Variants in AGBL1 observed in about 807,000 individuals in gnomAD.
AGBL1 encodes cytosolic carboxypeptidase 4.
In AGBL1, 130 loss-of-function variants were observed where a neutral mutation model predicts 118.9. The ratio of observed to expected loss-of-function variants is 1.09; its 90% confidence interval spans 0.95 to 1.26. AGBL1 has a LOEUF of 1.26. Ranked by LOEUF, AGBL1 falls within the 50% of genes most tolerant of loss-of-function variation. The pLI is 0.00. For missense variants in AGBL1, 1,584 were observed against 1,298.1 expected (o/e 1.22, Z -3.38); for synonymous variants, 555 against 478.9 (o/e 1.16, Z -2.08).
intron 17 of AGBL1, among the ~76,000 whole-genome samples, chr15:86,298,021 C>A (rs771917528): frequency 6.6e-6 from 1 of 151,752 alleles, no homozygotes; most frequent in African/African-American, 2.4e-5. Flanking sequence ...TTGCTCACAA[C>A]GAATTTTATT....
At chr15:86,808,890 CT>C (rs563747240) in intron 22 of AGBL1, among the ~76,000 whole-genome samples, 142 of 151,996 alleles carry the variant, frequency 9.3e-4, no homozygotes, top group Admixed American at 1.7e-3. Context: ...TGGATTTTCT[CT>C]TTTTTTCTGA....
At chr15:86,720,286 C>T (rs111554940) in intron 22 of AGBL1, among the ~76,000 whole-genome samples, 2,243 of 152,290 alleles carry the variant, frequency 0.015, 23 homozygotes, top group Admixed American at 0.022. Context: ...ATGAATAACA[C>T]TACTATCTAC....
At chr15:86,222,661 C>T (rs973993393) in intron 5 of AGBL1, among the ~76,000 whole-genome samples, 4 of 152,156 alleles carry the variant, frequency 2.6e-5, no homozygotes, top group African/African-American at 9.7e-5. Flanking sequence ...ACATTGATCT[C>T]CTACTTATGC....
At chr15:86,991,210 GTCTTTT>G (rs1184814462) in intron 24 of AGBL1, among the ~76,000 whole-genome samples, 1 of 152,088 alleles carries the variant, frequency 6.6e-6, no homozygotes, top group Non-Finnish European at 1.5e-5. Flanking sequence ...TGATACAAAA[GTCTTTT>G]TCTTTTTATT....
chr15:86,951,229 G>A (rs1241921480), intron 23 of AGBL1, among the ~76,000 whole-genome samples: 2 of 152,190 alleles, frequency 1.3e-5, no homozygotes, highest in Non-Finnish European at 2.9e-5. Flanking sequence ...TAAGAAGCTA[G>A]TGGAACTATG....
chr15:86,636,445 AGAG>A (rs1194346730), intron 21 of AGBL1, among the ~76,000 whole-genome samples: 1 of 151,494 alleles, frequency 6.6e-6, no homozygotes, highest in Non-Finnish European at 1.5e-5. Context: ...AGAAGACAGG[AGAG>A]GAGAAGAGGG....
intron 5 of AGBL1, among the ~76,000 whole-genome samples, chr15:86,214,199 A>G (rs1018712394): frequency 6.6e-6 from 1 of 152,206 alleles, no homozygotes; most frequent in Non-Finnish European, 1.5e-5. Context: ...TTGTTCATCT[A>G]TTGAATCAGA....
At chr15:86,230,938 A>G (rs2078445446) in intron 6 of AGBL1, among the ~76,000 whole-genome samples, 1 of 152,114 alleles carries the variant, frequency 6.6e-6, no homozygotes, top group South Asian at 2.1e-4. Context: ...AACACAGAAA[A>G]CTATTGATCT....
intron 5 of AGBL1, among the ~76,000 whole-genome samples, chr15:86,213,455 G>T (rs1000751088): frequency 3.9e-5 from 6 of 152,146 alleles, no homozygotes; most frequent in African/African-American, 1.4e-4. Flanking sequence ...AGTTTCTCAG[G>T]TCCCACCCTA....
chr15:86,504,039 T>A lies in AGBL1; in HGVS notation c.2556-18771T>A, dbSNP rs570305102. Among the ~76,000 whole-genome samples the A allele has an allele frequency of 3.2e-4, 49 of 151,848 alleles. 1 individual carries two copies. The South Asian group carries it at 9.9e-3, about 31-fold the overall frequency. On this transcript the variant is annotated intron_variant, in intron 18 of 22. Coordinates refer to ENST00000614907, the MANE Select transcript of AGBL1 (RefSeq NM_001386094.1). ...GTGGGGAACTGAAATCTCCAACAAT[T>A]TTTGGTGAATTGTCTATTTACTTCA...
intron 22 of AGBL1, among the ~76,000 whole-genome samples, chr15:86,893,321 C>T (rs1368332571): frequency 1.3e-5 from 2 of 152,158 alleles, no homozygotes; most frequent in African/African-American, 4.8e-5. Context: ...AGCATTACCT[C>T]AGCATTTAAA....
intron 21 of AGBL1, among the ~76,000 whole-genome samples, chr15:86,636,601 A>C (rs1408307476): frequency 6.8e-6 from 1 of 148,070 alleles, no homozygotes; most frequent in African/African-American, 2.5e-5. Flanking sequence ...CAAATTCATC[A>C]CATCCTCACT....
At chr15:86,380,939 T>C (rs927745100) in intron 17 of AGBL1, among the ~76,000 whole-genome samples, 1 of 98,010 alleles carries the variant, frequency 1.0e-5, no homozygotes, top group Non-Finnish European at 2.0e-5. Flanking sequence ...TTATAAAGTG[T>C]GTGTGTGTGT....
intron 21 of AGBL1, among the ~76,000 whole-genome samples, chr15:86,627,986 G>A (rs902481517): frequency 6.6e-6 from 1 of 152,204 alleles, no homozygotes; most frequent in African/African-American, 2.4e-5. Flanking sequence ...CAGACACGGG[G>A]CTGTTTAGGA....
At chr15:86,559,012 C>A (rs576002681) in intron 21 of AGBL1, among the ~76,000 whole-genome samples, 1 of 152,304 alleles carries the variant, frequency 6.6e-6, no homozygotes, top group South Asian at 2.1e-4. Flanking sequence ...TCGTGCCTTT[C>A]TTTGAGCTTC....
At chr15:86,080,933 G>GTGT (rs199530885) in intron 1 of AGBL1, among the ~76,000 whole-genome samples, 1,584 of 151,124 alleles carry the variant, frequency 0.01, 8 homozygotes, top group East Asian at 0.02. Context: ...ATGGGCTTGT[G>GTGT]GGGGCGGGGG....
chr15:86,970,496 C>T (rs1381428031), intron 23 of AGBL1, among the ~76,000 whole-genome samples: 1 of 151,928 alleles, frequency 6.6e-6, no homozygotes, highest in Non-Finnish European at 1.5e-5. Flanking sequence ...GAAACTCAGG[C>T]TCAACGACGT....
intron 19 of AGBL1, among the ~76,000 whole-genome samples, chr15:86,529,858 A>G (rs1304989624): frequency 6.9e-6 from 1 of 145,782 alleles, no homozygotes; most frequent in Non-Finnish European, 1.5e-5. Context: ...CAGCCAAACT[A>G]AGCTTCATAA....
intron 23 of AGBL1, among the ~76,000 whole-genome samples, chr15:86,937,675 A>G (rs1030143290): frequency 6.6e-6 from 1 of 152,188 alleles, no homozygotes; most frequent in Non-Finnish European, 1.5e-5. Context: ...GAGGGAGAGG[A>G]GCAGAAAAGA....
Sources: allele counts gnomAD v4.1 joint callset (sites outside exome capture counted in the v4.1 genomes callset), GRCh38; gene constraint gnomAD v4.1.1; transcripts MANE v1.5; gene names NCBI Gene and HGNC (gene_info 2026-07-23, HGNC 2026-07-21).